PPIP5K2: variants seen among roughly 807,000 people sequenced by gnomAD.
PPIP5K2 encodes inositol hexakisphosphate and diphosphoinositol-pentakisphosphate kinase 2.
A neutral mutation model predicts 154.6 loss-of-function variants in PPIP5K2; 105 were observed. The observed-to-expected ratio is 0.68, with a 90% CI of 0.58 to 0.80. The LOEUF (loss-of-function observed/expected upper bound fraction) is 0.80, where lower values mean the gene tolerates loss of function less well. PPIP5K2 is among the 30% of genes least tolerant of loss of function. The probability of loss-of-function intolerance (pLI) is 0.00; values close to 1 mark genes in which losing one functional copy is unlikely to be tolerated. For synonymous variants in PPIP5K2, 480 were observed against 490.3 expected (o/e 0.98, Z 0.28); for missense variants, 992 against 1,504.6 (o/e 0.66, Z 5.64).
chr5:103,168,142 TAAAA>T lies in PPIP5K2; in HGVS notation c.2134_2137del (p.Lys712GlnfsTer18). On this transcript the variant is annotated frameshift_variant, in exon 19 of 31. Coordinates refer to ENST00000358359, the MANE Select transcript of PPIP5K2 (RefSeq NM_001276277.3). LOFTEE classifies it high-confidence loss of function. ...GATGGTCCAAGTTAGAGAAAGACTT[TAAAA>T]CAAAGAATGGAAGATATGATATTAG... is the stretch of plus-strand genomic sequence containing the variant. The T allele has an allele frequency of 1.2e-6, 2 of 1,610,464 alleles. No homozygotes were observed. Among genetic ancestry groups the T allele is most frequent in the Non-Finnish European group, 1.7e-6 (2 of 1,177,474 alleles).
intron 2 of PPIP5K2, among the ~76,000 whole-genome samples, chr5:103,131,787 G>C (rs1166529713): frequency 6.6e-6 from 1 of 152,022 alleles, no homozygotes; most frequent in Non-Finnish European, 1.5e-5. Flanking sequence ...CCTCAGATCT[G>C]TTTAAAAAAT....
intron 1 of PPIP5K2, among the ~76,000 whole-genome samples, chr5:103,123,951 C>T (rs782221284): frequency 1.2e-4 from 18 of 152,074 alleles, no homozygotes; most frequent in Non-Finnish European, 2.5e-4. Flanking sequence ...TAATACAAAC[C>T]ATTTTGAATG....
chr5:103,169,309 A>T (rs1797597639), intron 19 of PPIP5K2, among the ~76,000 whole-genome samples: 1 of 151,806 alleles, frequency 6.6e-6, no homozygotes, highest in African/African-American at 2.4e-5. Flanking sequence ...TAGATCAGGT[A>T]TTCCAACCGT....
At position 103,151,299 on chromosome 5, in the gene PPIP5K2, A is replaced by G; in HGVS notation, c.953A>G (p.Tyr318Cys). 6.2e-7 allele frequency: 1 copy of G among 1,610,442 alleles called. No homozygotes were observed. Among genetic ancestry groups the G allele is most frequent in the Non-Finnish European group, 8.5e-7 (1 of 1,177,028 alleles). The change falls in exon 9 of 31, where the codon TAT becomes TGT. Residue 318 changes from tyrosine (Y) to cysteine (C), a missense_variant. Physicochemically the swap from Tyr to Cys is radical, Grantham distance 194. This residue lies in a region of PPIP5K2 where 163 missense variants were observed against 285.2 expected (regional missense o/e 0.57). Coordinates refer to ENST00000358359, the MANE Select transcript of PPIP5K2 (RefSeq NM_001276277.3). ...TTGTTACGGGCCAATGGACAGTCCT[A>G]TGTCTGTGATGTCAATGGCTTCAGT... ...FDLLRANGQS[Y>C]VCDVNGFSFV...
At chr5:103,182,842 T>G (rs542390958) in intron 24 of PPIP5K2, among the ~76,000 whole-genome samples, 1 of 152,248 alleles carries the variant, frequency 6.6e-6, no homozygotes, top group African/African-American at 2.4e-5. Flanking sequence ...CAAAATCTTT[T>G]GAATATCTTA....
intron 18 of PPIP5K2, among the ~76,000 whole-genome samples, chr5:103,167,557 G>GT (rs1554218282): frequency 6.6e-5 from 10 of 151,938 alleles, no homozygotes; most frequent in Non-Finnish European, 1.2e-4. Flanking sequence ...ATGCAGCATT[G>GT]CTATATAGTT....
In PPIP5K2 at chr5:103,190,964, C is replaced by A. The variant is rs571110489; in HGVS notation, c.3475C>A (p.Arg1159=). 6.2e-6 allele frequency: 10 copies of A among 1,603,896 alleles called. No individual in the cohort carries two copies. The South Asian group carries it at 1.1e-4, about 18-fold the overall frequency. The part of the protein sequence containing the change: ...SIASPSSDVP[R]KTAEISSTAL... ...TGCTTCTCCATCATCTGACGTTCCA[C>A]GGAAGACCGCTGAAATTTGTAGGAA... The change falls in exon 29 of 31, where the codon CGG becomes AGG. Residue 1159 remains arginine (R), a synonymous_variant. Coordinates refer to ENST00000358359, the MANE Select transcript of PPIP5K2 (RefSeq NM_001276277.3).
Position 103,194,897 on chromosome 5 carries a change from C to T in PPIP5K2, c.3494-3C>T. 6.3e-7 allele frequency: 1 copy of T among 1,596,724 alleles called. No individual in the cohort carries two copies. Among genetic ancestry groups the T allele is most frequent in the Non-Finnish European group, 8.5e-7 (1 of 1,173,756 alleles). On this transcript the variant is annotated splice_region_variant and splice_polypyrimidine_tract_variant and intron_variant, in intron 29 of 30. Coordinates refer to ENST00000358359, the MANE Select transcript of PPIP5K2 (RefSeq NM_001276277.3). ...ATTAACATGTTTGTTTATTTTTTTT[C>T]AGCCTCTACAGCTTTACGTTCCAGT... is the stretch of plus-strand genomic sequence containing the variant.
At chr5:103,138,754 T>C (rs1311775316) in intron 5 of PPIP5K2, among the ~76,000 whole-genome samples, 1 of 152,218 alleles carries the variant, frequency 6.6e-6, no homozygotes, top group Non-Finnish European at 1.5e-5. Context: ...TAAATGTGTA[T>C]TGATTAAAGG....
Position 103,167,408 on chromosome 5 carries a change from G to A in PPIP5K2, c.2062+88G>A. On this transcript the variant is annotated intron_variant, in intron 18 of 30. Transcript: ENST00000358359. ...ATATGATGCACCAATCTTGTTGTAA[G>A]AAATCAAGCCTCTCTTGAGAGCTAT... The A allele has an allele frequency of 3.5e-6, 4 of 1,153,344 alleles. No individual in the cohort carries two copies. In the East Asian group the frequency reaches 7.9e-5, roughly 23 times the overall value. 71.4% of individuals were successfully genotyped at this position (1,153,344 alleles called of 1,614,324 possible).
chr5:103,158,456 T>C lies in PPIP5K2; in HGVS notation c.1620T>C (p.Asp540=). ...FRCMYPGGQG[D]YAGFPGCGLL... Reference sequence around the variant, plus strand: ...GATTTGAGGATTTATTTTCAGGAGATTATGCAGGATTTCCTGGTTGTGGTT... The same window carrying C: ...GATTTGAGGATTTATTTTCAGGAGACTATGCAGGATTTCCTGGTTGTGGTT... Residue 540 remains aspartate (D), a synonymous_variant, in exon 16 of 31, where the codon GAT becomes GAC. Coordinates refer to ENST00000358359, the MANE Select transcript of PPIP5K2 (RefSeq NM_001276277.3). 1 of 1,603,044 alleles carries C rather than the reference T, an allele frequency of 6.2e-7. No homozygotes were observed. Among genetic ancestry groups the C allele is most frequent in the South Asian group, 1.1e-5 (1 of 88,158 alleles).
chr5:103,152,469 C>T (rs1794779769), intron 9 of PPIP5K2, among the ~76,000 whole-genome samples, 179 bp from the exon 10 acceptor site: 1 of 151,780 alleles, frequency 6.6e-6, no homozygotes, highest in Non-Finnish European at 1.5e-5. Context: ...GTGTCTAATA[C>T]ATCAATTTGG....
At position 103,194,887 on chromosome 5, in the gene PPIP5K2, TA is replaced by T. The variant is rs1554227942; in HGVS notation, c.3494-12del. Reference sequence around the variant, plus strand: ...AAATTATTAAATTAACATGTTTGTTTATTTTTTTTCAGCCTCTACAGCTTTA... The same window carrying T: ...AAATTATTAAATTAACATGTTTGTTTTTTTTTTTCAGCCTCTACAGCTTTA... On this transcript the variant is annotated splice_polypyrimidine_tract_variant and intron_variant, in intron 29 of 30. Transcript: ENST00000358359. 1.9e-6 allele frequency: 3 copies of T among 1,599,482 alleles called. No homozygotes were observed. Among genetic ancestry groups the T allele is most frequent in the Middle Eastern group, 1.7e-4 (1 of 5,970 alleles).
Position 103,129,854 on chromosome 5 carries a change from A to G in PPIP5K2, c.114+151A>G, listed in dbSNP as rs941367780. 7 of 1,142,862 alleles carry G rather than the reference A, an allele frequency of 6.1e-6. No homozygotes were observed. In the African/African-American group the frequency reaches 9.5e-5, roughly 16 times the overall value. The allele number at this position is 1,142,862 out of a possible 1,614,324, so 70.8% of individuals were successfully genotyped here. A position where few individuals can be genotyped will look rare whatever the true frequency, so the allele number is the denominator to read the frequency against. On this transcript the variant is annotated intron_variant, in intron 2 of 30. Transcript: ENST00000358359. ...ATGTTGTTGAATCTATGATGAATCA[A>G]TAAATACAGTTATGGGTCAAACCTT...
At chr5:103,153,504 C>T (rs1554211978) in intron 10 of PPIP5K2, among the ~76,000 whole-genome samples, 2 of 151,868 alleles carry the variant, frequency 1.3e-5, no homozygotes, top group Admixed American at 6.6e-5. Flanking sequence ...AATGAAGTCT[C>T]AGTCTGTAGT....
At chr5:103,146,177 G>T (rs189370423) in intron 5 of PPIP5K2, among the ~76,000 whole-genome samples, 56 of 152,108 alleles carry the variant, frequency 3.7e-4, no homozygotes, top group Admixed American at 2.9e-3. Context: ...CATGTTTTAC[G>T]ATATCTGTGA....
rs558959661 is a variant in PPIP5K2, at chr5:103,205,032, G to A, written c.*3398G>A. The A allele has an allele frequency of 1.3e-5, 2 of 151,976 alleles. No individual in the cohort carries two copies. Among genetic ancestry groups the A allele is most frequent in the African/African-American group, 4.8e-5 (2 of 41,430 alleles). The allele number at this position is 151,976 out of a possible 1,614,324, so 9.4% of individuals were successfully genotyped here. On this transcript the variant is annotated 3_prime_UTR_variant, in exon 31 of 31. Coordinates refer to ENST00000358359, the MANE Select transcript of PPIP5K2 (RefSeq NM_001276277.3). Reference sequence around the variant, plus strand: ...CCCCCCACCCACTGACAGGCCCAGTGTGTGATGTTCCCCGCCCTGTGTCCA... The same window carrying A: ...CCCCCCACCCACTGACAGGCCCAGTATGTGATGTTCCCCGCCCTGTGTCCA...
intron 5 of PPIP5K2, among the ~76,000 whole-genome samples, chr5:103,141,681 G>A (rs1444575492): frequency 6.6e-6 from 1 of 152,052 alleles, no homozygotes; most frequent in South Asian, 2.1e-4. Context: ...GCAGCTAGAT[G>A]CAGAGTGTCG....
chr5:103,150,508 C>T (rs782530330), intron 8 of PPIP5K2, among the ~76,000 whole-genome samples: 19 of 152,164 alleles, frequency 1.2e-4, no homozygotes, highest in Non-Finnish European at 2.6e-4. Flanking sequence ...CGTGGTGGCT[C>T]ACACCCATAA....
Sources: allele counts gnomAD v4.1 joint callset (sites outside exome capture counted in the v4.1 genomes callset), GRCh38; gene constraint gnomAD v4.1.1; regional missense constraint gnomAD v4.1.1; transcripts MANE v1.5; gene names NCBI Gene and HGNC (gene_info 2026-07-23, HGNC 2026-07-21).